Variants in NIPA2 observed in about 807,000 individuals in gnomAD.
NIPA2 encodes the protein magnesium transporter NIPA2.
A neutral mutation model predicts 29.7 loss-of-function variants in NIPA2; 11 were observed. That is an observed-to-expected ratio of 0.37 (90% CI 0.23 to 0.61). The LOEUF (loss-of-function observed/expected upper bound fraction) is 0.61. NIPA2 is among the 20% of genes least tolerant of loss of function. NIPA2 has a pLI of 0.66. For synonymous variants in NIPA2, 183 were observed against 161.9 expected (o/e 1.13, Z -0.99); for missense variants, 426 against 437.9 (o/e 0.97, Z 0.24).
chr15:22,862,898 CTTTTTTTTT>C (rs59317671), intron 7 of NIPA2, among the ~76,000 whole-genome samples: 1 of 110,284 alleles, frequency 9.1e-6, no homozygotes, highest in African/African-American at 3.6e-5. Flanking sequence ...TGCCTTTATT[CTTTTTTTTT>C]TTTTTTTTTT....
chr15:22,849,176 C>T (rs565139172), intron 3 of NIPA2, among the ~76,000 whole-genome samples: 1 of 152,298 alleles, frequency 6.6e-6, no homozygotes, highest in East Asian at 1.9e-4. Flanking sequence ...GTCAATGAGA[C>T]TCACCTATCT....
intron 1 of NIPA2, 25 bp downstream of exon 1, chr15:22,838,946 A>C (rs1300753933): frequency 6.6e-6 from 1 of 152,088 alleles, no homozygotes; most frequent in Non-Finnish European, 1.5e-5. Context: ...CCTTCCTTTC[A>C]GGCAAGCGCG....
At chr15:22,862,064 T>TTTTTTTG (rs2058665264) in intron 7 of NIPA2, among the ~76,000 whole-genome samples, 1 of 147,860 alleles carries the variant, frequency 6.8e-6, no homozygotes, top group African/African-American at 2.5e-5. Flanking sequence ...TTTTTTTTTT[T>TTTTTTTG]GAGACAGAGT....
chr15:22,862,049 CTTTT>C (rs57513456), intron 7 of NIPA2, among the ~76,000 whole-genome samples: 12 of 103,974 alleles, frequency 1.2e-4, no homozygotes, highest in African/African-American at 3.0e-4. Context: ...ATGGGTCTCT[CTTTT>C]TTTTTTTTTT....
At chr15:22,851,026 G>A (rs750322825) in intron 3 of NIPA2, among the ~76,000 whole-genome samples, 2 of 152,136 alleles carry the variant, frequency 1.3e-5, no homozygotes, top group Non-Finnish European at 2.9e-5. Flanking sequence ...TGGCCTCGAG[G>A]ATTGAGCCCT....
chr15:22,867,475 TG>T lies in NIPA2; in HGVS notation c.*630del. 3.1e-6 allele frequency: 1 copy of T among 321,994 alleles called. No individual in the cohort carries two copies. The highest frequency in any genetic ancestry group is 5.6e-6 in the Non-Finnish European group (1 of 179,388). The allele number at this position is 321,994 out of a possible 1,614,324, so 19.9% of individuals were successfully genotyped here. A position where few individuals can be genotyped will look rare whatever the true frequency, so the allele number is the denominator to read the frequency against. ...AATCCGGCTTCCTCTGAGCATTCGATGGCCTTAGCACCTCATCAAGCCAGCA... is the reference window on the plus strand; with the variant it reads ...AATCCGGCTTCCTCTGAGCATTCGATGCCTTAGCACCTCATCAAGCCAGCA... On this transcript the variant is annotated 3_prime_UTR_variant, in exon 8 of 8. Coordinates refer to ENST00000337451, the MANE Select transcript of NIPA2 (RefSeq NM_030922.7).
Position 22,851,819 on chromosome 15 carries a change from T to C in NIPA2, c.88T>C (p.Leu30=), listed in dbSNP as rs1316370093. ...CATTTTCATTGGAGGAAGTTTCATT[T>C]TGAAAAAAAAGGGCCTCCTTCGACT... ...SSIFIGGSFI[L]KKKGLLRLAR... is the part of the protein sequence containing the mutation. The change falls in exon 4 of 8, where the codon TTG becomes CTG. Residue 30 remains leucine, a synonymous_variant. Transcript: ENST00000337451. 1 of 1,613,748 alleles carries C rather than the reference T, an allele frequency of 6.2e-7. No homozygotes were observed.
intron 5 of NIPA2, 40 bp from the exon 6 acceptor site, chr15:22,858,500 C>A: frequency 7.4e-7 from 1 of 1,355,338 alleles, no homozygotes; most frequent in Non-Finnish European, 1.0e-6. Flanking sequence ...TGAGTACATA[C>A]ATTCTTACCT....
chr15:22,840,353 A>T (rs1896728480), intron 2 of NIPA2, among the ~76,000 whole-genome samples: 1 of 142,424 alleles, frequency 7.0e-6, no homozygotes, highest in East Asian at 2.0e-4. Flanking sequence ...GCTGGAGTGC[A>T]GTGGCACGAT....
intron 3 of NIPA2, among the ~76,000 whole-genome samples, chr15:22,850,052 C>T (rs554807520): frequency 6.6e-6 from 1 of 152,162 alleles, no homozygotes; most frequent in Non-Finnish European, 1.5e-5. Context: ...GTACCCATCA[C>T]CCAGCTTTTA....
intron 7 of NIPA2, among the ~76,000 whole-genome samples, chr15:22,862,918 T>G (rs1233591279): frequency 7.5e-5 from 11 of 147,328 alleles, no homozygotes; most frequent in Admixed American, 2.0e-4. Context: ...TTTTTTTTTT[T>G]GGAGACAGTA....
intron 3 of NIPA2, among the ~76,000 whole-genome samples, chr15:22,847,628 T>G (rs1899159982): frequency 6.6e-6 from 1 of 151,858 alleles, no homozygotes; most frequent in African/African-American, 2.4e-5. Context: ...CTGCGCCAGC[T>G]AATTTTTGTA....
In NIPA2 at chr15:22,866,293, A is replaced by G; in HGVS notation, c.529A>G (p.Asn177Asp). The G allele has an allele frequency of 2.5e-6, 4 of 1,613,938 alleles. No individual in the cohort carries two copies. Among genetic ancestry groups the G allele is most frequent in the South Asian group, 2.2e-5 (2 of 91,082 alleles). ...FVVGPRHGQT[N>D]ILVYITICSV... ...GGTGGGTCCTCGCCATGGACAGACA[A>G]ACATTCTTGTGTACATAACAATCTG... The change falls in exon 8 of 8, where the codon AAC becomes GAC. Residue 177 changes from asparagine to aspartate, a missense_variant. Around this residue, in one of 3 missense-constraint regions of NIPA2, gnomAD observed 357 missense variants for 339.8 expected, o/e 1.05. Transcript: ENST00000337451.
At chr15:22,856,106 G>A (rs896015026) in intron 5 of NIPA2, among the ~76,000 whole-genome samples, 1 of 152,132 alleles carries the variant, frequency 6.6e-6, no homozygotes, top group Admixed American at 6.5e-5. Context: ...AGGCAGCCAT[G>A]GAGAGCTCCC....
intron 6 of NIPA2, among the ~76,000 whole-genome samples, chr15:22,859,775 A>C (rs1300377793): frequency 1.3e-5 from 2 of 152,138 alleles, no homozygotes; most frequent in Non-Finnish European, 2.9e-5. Flanking sequence ...CCAAAAAACT[A>C]TATGTAAAAC....
chr15:22,859,543 T>C (rs932606039), intron 6 of NIPA2, among the ~76,000 whole-genome samples: 5 of 152,176 alleles, frequency 3.3e-5, no homozygotes, highest in Admixed American at 1.3e-4. Flanking sequence ...CCACCCGCCT[T>C]GGCCTCCCAA....
intron 5 of NIPA2, among the ~76,000 whole-genome samples, chr15:22,856,350 T>C (rs2058178893): frequency 1.3e-5 from 2 of 152,032 alleles, no homozygotes; most frequent in Admixed American, 1.3e-4. Context: ...AAATAGAAGA[T>C]TGTGTATAAT....
At chr15:22,839,265 A>G (rs4592619) in intron 1 of NIPA2, 134,995 of 152,276 alleles carry the variant, frequency 0.89, 60,093 homozygotes, top group African/African-American at 0.97. Context: ...TTTGAGCCTG[A>G]CTGTTTTAAT....
chr15:22,865,608 A>G (rs2058975416), intron 7 of NIPA2, among the ~76,000 whole-genome samples: 1 of 152,148 alleles, frequency 6.6e-6, no homozygotes, highest in South Asian at 2.1e-4. Context: ...AGTATCCGTG[A>G]TAACAGGGTA....
Sources: allele counts gnomAD v4.1 joint callset (sites outside exome capture counted in the v4.1 genomes callset), GRCh38; gene constraint gnomAD v4.1.1; regional missense constraint gnomAD v4.1.1; transcripts MANE v1.5; gene names NCBI Gene and HGNC (gene_info 2026-07-23, HGNC 2026-07-21).